ERGIC1: variants seen among roughly 807,000 people sequenced by gnomAD.
The protein encoded by ERGIC1 is endoplasmic reticulum-golgi intermediate compartment 1.
A neutral mutation model predicts 38.3 loss-of-function variants in ERGIC1; 19 were observed. That is an observed-to-expected ratio of 0.50 (90% CI 0.35 to 0.73). The LOEUF (loss-of-function observed/expected upper bound fraction) is 0.73, where lower values mean the gene tolerates loss of function less well. Ranked by LOEUF, ERGIC1 falls within the 30% of genes least tolerant of loss-of-function variation. ERGIC1 has a pLI of 0.01. For synonymous variants in ERGIC1, 124 were observed against 157.6 expected (o/e 0.79, Z 1.60); for missense variants, 294 against 389.2 (o/e 0.76, Z 2.06).
At chr5:172,867,604 T>C (rs1216583089) in intron 1 of ERGIC1, 1 of 390,942 alleles carries the variant, frequency 2.6e-6, no homozygotes, top group East Asian at 8.1e-5. Context: ...GTCCTCTGGG[T>C]CCTGGCTGGG....
chr5:172,907,117 C>T (rs1763050436), intron 3 of ERGIC1, among the ~76,000 whole-genome samples: 1 of 152,242 alleles, frequency 6.6e-6, no homozygotes, highest in Non-Finnish European at 1.5e-5. Flanking sequence ...TCCTCCTCTC[C>T]ATTCCCATCC....
intron 2 of ERGIC1, among the ~76,000 whole-genome samples, chr5:172,896,512 A>G (rs1277281049): frequency 2.0e-5 from 3 of 152,196 alleles, no homozygotes; most frequent in African/African-American, 7.2e-5. Flanking sequence ...CCAGAGAGGC[A>G]GAAGGGAGTG....
chr5:172,848,423 C>G (rs946873048), intron 1 of ERGIC1, among the ~76,000 whole-genome samples: 1 of 152,180 alleles, frequency 6.6e-6, no homozygotes, highest in Admixed American at 6.5e-5. Context: ...AACTAGTACT[C>G]TTCCTCAAAA....
intron 1 of ERGIC1, among the ~76,000 whole-genome samples, chr5:172,855,528 G>A (rs945040391): frequency 1.3e-5 from 2 of 152,236 alleles, no homozygotes; most frequent in African/African-American, 4.8e-5. Flanking sequence ...CTTAAACAGG[G>A]AAGATGGACA....
chr5:172,943,709 G>A (rs1215245746), intron 9 of ERGIC1, among the ~76,000 whole-genome samples: 1 of 152,164 alleles, frequency 6.6e-6, no homozygotes, highest in African/African-American at 2.4e-5. Flanking sequence ...GGATTGGACC[G>A]CAGGAGTGTT....
At chr5:172,854,387 CA>C (rs1561702463) in intron 1 of ERGIC1, among the ~76,000 whole-genome samples, 1 of 151,950 alleles carries the variant, frequency 6.6e-6, no homozygotes, top group Non-Finnish European at 1.5e-5. Context: ...TCTCAAACAA[CA>C]AAAAAAGAAA....
chr5:172,932,750 A>T, intron 8 of ERGIC1: 1 of 581,944 alleles, frequency 1.7e-6, no homozygotes, highest in Non-Finnish European at 3.1e-6. Flanking sequence ...GAACAGATCT[A>T]ACCAGGAGAT....
intron 1 of ERGIC1, among the ~76,000 whole-genome samples, chr5:172,872,688 G>T (rs1362557692): frequency 6.6e-6 from 1 of 152,174 alleles, no homozygotes; most frequent in Admixed American, 6.5e-5. Flanking sequence ...GGTGGCACAT[G>T]CCTGTAATCT....
At chr5:172,856,157 G>T (rs1430009883) in intron 1 of ERGIC1, among the ~76,000 whole-genome samples, 2 of 152,200 alleles carry the variant, frequency 1.3e-5, no homozygotes, top group Non-Finnish European at 2.9e-5. Context: ...TGCATCCCTA[G>T]GGGTGGGCAG....
intron 1 of ERGIC1, among the ~76,000 whole-genome samples, chr5:172,840,271 C>G (rs1761129671): frequency 6.6e-6 from 1 of 152,148 alleles, no homozygotes; most frequent in African/African-American, 2.4e-5. Context: ...GACTGTGGTG[C>G]TGTAGTAGCA....
intron 1 of ERGIC1, among the ~76,000 whole-genome samples, chr5:172,849,551 G>C (rs1426771843): frequency 1.3e-5 from 2 of 152,208 alleles, no homozygotes; most frequent in East Asian, 3.9e-4. Context: ...GTGTGCTCTA[G>C]GGATCATTGT....
chr5:172,932,218 A>G (rs1763792391), intron 7 of ERGIC1, among the ~76,000 whole-genome samples: 1 of 152,182 alleles, frequency 6.6e-6, no homozygotes, highest in African/African-American at 2.4e-5. Context: ...CCAGAATTTT[A>G]ATGATGTGCA....
chr5:172,924,644 G>A (rs1381761909), intron 6 of ERGIC1, among the ~76,000 whole-genome samples: 2 of 152,196 alleles, frequency 1.3e-5, no homozygotes, highest in African/African-American at 4.8e-5. Flanking sequence ...CCCAGACCGA[G>A]GCAGGTGGAG....
At chr5:172,945,844 C>T (rs554068107) in intron 9 of ERGIC1, among the ~76,000 whole-genome samples, 4 of 152,050 alleles carry the variant, frequency 2.6e-5, no homozygotes, top group Admixed American at 1.3e-4. Flanking sequence ...GCCACCATGC[C>T]CAGCTAATTT....
intron 4 of ERGIC1, among the ~76,000 whole-genome samples, chr5:172,911,748 G>A (rs1763212898): frequency 6.6e-6 from 1 of 152,162 alleles, no homozygotes; most frequent in Non-Finnish European, 1.5e-5. Flanking sequence ...CTGCATGTAT[G>A]ATCTCATATC....
At chr5:172,871,089 G>A (rs932273257) in intron 1 of ERGIC1, among the ~76,000 whole-genome samples, 27 of 152,222 alleles carry the variant, frequency 1.8e-4, no homozygotes, top group East Asian at 7.7e-4. Context: ...TGCAGTCCAC[G>A]CATGCTCAGT....
In ERGIC1 at chr5:172,834,483, G is replaced by T; in HGVS notation, c.20+50G>T. ...CGGGAGTTCCCTCAGCGGGCAGAGG[G>T]AGCGCCCCGGCACGCCGCGGACCCC... On this transcript the variant is annotated intron_variant, in intron 1 of 9. Transcript: ENST00000393784. The surrounding 1 kb of genome is among the most constrained non-coding windows in gnomAD (Gnocchi z 4.1). 7.8e-7 allele frequency: 1 copy of T among 1,288,824 alleles called. No individual in the cohort carries two copies. The allele number at this position is 1,288,824 out of a possible 1,614,324, so 79.8% of individuals were successfully genotyped here.
chr5:172,886,313 G>A (rs1308708110), intron 1 of ERGIC1, among the ~76,000 whole-genome samples: 1 of 151,528 alleles, frequency 6.6e-6, no homozygotes, highest in African/African-American at 2.4e-5. Context: ...TCCTCTCCTT[G>A]CCTGGGCTGC....
At chr5:172,909,499 G>C (rs989088333) in intron 3 of ERGIC1, among the ~76,000 whole-genome samples, 168 bp from the exon 4 acceptor site, 1 of 152,114 alleles carries the variant, frequency 6.6e-6, no homozygotes. Context: ...CACTTGAAGA[G>C]TGCAGCCTAG....
Sources: gnomAD v4.1 joint callset for allele counts (sites outside exome capture counted in the v4.1 genomes callset) on GRCh38, gnomAD v4.1.1 for gene constraint, Gnocchi (gnomAD v3.1) non-coding constraint, MANE v1.5 for transcripts, NCBI Gene and HGNC (gene_info 2026-07-23, HGNC 2026-07-21) for gene names.